CAST: variants seen among roughly 807,000 people sequenced by gnomAD.
The protein encoded by CAST is calpastatin.
CAST carries 76 observed loss-of-function variants against 119.6 expected under a neutral mutation model. The observed-to-expected ratio is 0.64, with a 90% CI of 0.53 to 0.77. The LOEUF is 0.77. Ranked by LOEUF, CAST falls within the 30% of genes least tolerant of loss-of-function variation. The probability of loss-of-function intolerance (pLI) is 0.00; values close to 1 mark genes in which losing one functional copy is unlikely to be tolerated. For synonymous variants in CAST, 319 were observed against 331.6 expected (o/e 0.96, Z 0.41); for missense variants, 953 against 946.5 (o/e 1.01, Z -0.09).
At chr5:96,377,660 G>A in the CAST span, among the ~76,000 whole-genome samples, 3 of 152,008 alleles carry the variant, frequency 2.0e-5, no homozygotes, top group Non-Finnish European at 4.4e-5. Flanking sequence ...TGATGAAATT[G>A]CCTAATGACA....
In CAST at chr5:96,772,886, T is replaced by G. The variant is rs1410312329; in HGVS notation, c.*270T>G. The G allele has an allele frequency of 6.5e-6, 1 of 153,516 alleles. No individual in the cohort carries two copies. Among genetic ancestry groups the G allele is most frequent in the African/African-American group, 2.4e-5 (1 of 41,436 alleles). The allele number at this position is 153,516 out of a possible 1,614,324, so 9.5% of individuals were successfully genotyped here. A position where few individuals can be genotyped will look rare whatever the true frequency, so the allele number is the denominator to read the frequency against. On this transcript the variant is annotated 3_prime_UTR_variant, in exon 32 of 32. Transcript: ENST00000675179. ...TCAATTGGGAGAGAAAGCTTTATAT[T>G]TGTAAGAAATATATTTGATAAAGTT...
the CAST span, among the ~76,000 whole-genome samples, chr5:96,175,045 T>A: frequency 1.1e-4 from 17 of 152,196 alleles, no homozygotes; most frequent in Non-Finnish European, 2.1e-4. Flanking sequence ...TCAGATTTTT[T>A]AAACTAATCC....
chr5:96,346,238 G>A, the CAST span, among the ~76,000 whole-genome samples: 1 of 152,206 alleles, frequency 6.6e-6, no homozygotes, highest in Non-Finnish European at 1.5e-5. Flanking sequence ...GAGCTCCTGA[G>A]TAGATGGCAG....
intron 2 of CAST, among the ~76,000 whole-genome samples, chr5:96,692,596 C>T (rs1752855539): frequency 6.6e-6 from 1 of 152,170 alleles, no homozygotes; most frequent in Non-Finnish European, 1.5e-5. Context: ...ACGTGCTGCC[C>T]TGTCTACCTA....
chr5:96,326,733 G>C, the CAST span, among the ~76,000 whole-genome samples: 4 of 110,032 alleles, frequency 3.6e-5, no homozygotes, highest in South Asian at 1.1e-3. Context: ...TTCAGCATCT[G>C]TCGCATTATC....
At chr5:96,734,656 G>A (rs1465138217) in intron 9 of CAST, among the ~76,000 whole-genome samples, 2 of 152,150 alleles carry the variant, frequency 1.3e-5, no homozygotes, top group East Asian at 1.9e-4. Context: ...GGTGCTCATT[G>A]TCAGGTTTGT....
chr5:96,536,348 A>G, intron 1 of CAST, among the ~76,000 whole-genome samples: 1 of 152,144 alleles, frequency 6.6e-6, no homozygotes, highest in East Asian at 1.9e-4. Context: ...GACAAGAGCA[A>G]AACTCCGTCT....
chr5:96,597,149 G>T (rs1445235790), intron 1 of CAST, among the ~76,000 whole-genome samples: 1 of 152,116 alleles, frequency 6.6e-6, no homozygotes, highest in East Asian at 1.9e-4. Flanking sequence ...TAGGATCCAC[G>T]ACCTCATATA....
At chr5:96,044,806 A>G in the CAST span, among the ~76,000 whole-genome samples, 1 of 152,226 alleles carries the variant, frequency 6.6e-6, no homozygotes, top group East Asian at 1.9e-4. Flanking sequence ...AATACTATAC[A>G]GCAATGAGAA....
chr5:96,054,929 C>A, the CAST span, among the ~76,000 whole-genome samples: 4 of 152,134 alleles, frequency 2.6e-5, no homozygotes, highest in South Asian at 8.3e-4. Flanking sequence ...AAGAAACCAT[C>A]TCAGTGGGTG....
chr5:96,370,040 T>C, the CAST span, among the ~76,000 whole-genome samples: 2 of 152,082 alleles, frequency 1.3e-5, no homozygotes, highest in Admixed American at 1.3e-4. Flanking sequence ...TGGAAATCTC[T>C]TACATTTCAA....
the CAST span, among the ~76,000 whole-genome samples, chr5:96,090,632 TTATG>T: frequency 2.2e-4 from 5 of 22,392 alleles, no homozygotes; most frequent in South Asian, 2.0e-3. Flanking sequence ...AAAGACTTTT[TTATG>T]TTTTGTTTTT....
rs555463577 is a variant in CAST, at chr5:96,749,432, A to C, written c.1428+819A>C. Among the ~76,000 whole-genome samples the C allele has an allele frequency of 1.9e-3, 294 of 152,378 alleles. 2 individuals are homozygous for C. Among genetic ancestry groups the C allele is most frequent in the Non-Finnish European group, 2.7e-3 (183 of 68,038 alleles). Reference sequence around the variant, plus strand: ...AGTAAGTTCCTTGAACGAAGAGATCATATCCTATTAATGACCATCTGCTGA... The same window carrying C: ...AGTAAGTTCCTTGAACGAAGAGATCCTATCCTATTAATGACCATCTGCTGA... On this transcript the variant is annotated intron_variant, in intron 19 of 31. Coordinates refer to ENST00000675179, the MANE Select transcript of CAST (RefSeq NM_001750.7).
chr5:96,396,204 A>G, the CAST span, among the ~76,000 whole-genome samples: 1 of 152,188 alleles, frequency 6.6e-6, no homozygotes, highest in Non-Finnish European at 1.5e-5. Flanking sequence ...AATGTAACAA[A>G]CGACTATAGA....
chr5:96,105,286 G>T, the CAST span, among the ~76,000 whole-genome samples: 1 of 152,178 alleles, frequency 6.6e-6, no homozygotes, highest in Non-Finnish European at 1.5e-5. Flanking sequence ...AATAGGAGTG[G>T]TGAGAGAGGT....
Position 96,662,400 on chromosome 5 carries a change from G to A in CAST, c.-23G>A, listed in dbSNP as rs1447394917. ...CACTCTCCGCGGCGCATTCCGGGAG[G>A]CAGCGGCCGCAGCGGCCTCGCCATG... On this transcript the variant is annotated 5_prime_UTR_variant, in exon 1 of 32. Transcript: ENST00000675179. The A allele has an allele frequency of 2.1e-6, 3 of 1,396,202 alleles. No individual in the cohort carries two copies. The highest frequency in any genetic ancestry group is 1.7e-5 in the African/African-American group (1 of 60,490). 86.5% of individuals were successfully genotyped at this position (1,396,202 alleles called of 1,614,324 possible).
chr5:96,043,253 G>C, the CAST span, among the ~76,000 whole-genome samples: 1 of 152,056 alleles, frequency 6.6e-6, no homozygotes, highest in Admixed American at 6.6e-5. Context: ...GCAGAATGCC[G>C]ACCAGTAAGT....
At chr5:96,534,946 AGG>A (rs1491179517) in intron 1 of CAST, among the ~76,000 whole-genome samples, 25 of 149,342 alleles carry the variant, frequency 1.7e-4, no homozygotes, top group Non-Finnish European at 7.4e-5. Context: ...AGAAAGAGAA[AGG>A]GAAAGAAAGA....
the CAST span, among the ~76,000 whole-genome samples, chr5:96,157,934 AG>A: frequency 6.6e-6 from 1 of 152,220 alleles, no homozygotes; most frequent in Non-Finnish European, 1.5e-5. Context: ...ATTTTGATCA[AG>A]GAAGTCTCCC....
Sources: gnomAD v4.1 joint callset for allele counts (sites outside exome capture counted in the v4.1 genomes callset) on GRCh38, gnomAD v4.1.1 for gene constraint, MANE v1.5 for transcripts, NCBI Gene and HGNC (gene_info 2026-07-23, HGNC 2026-07-21) for gene names.